The following PDZD2 variants were observed in gnomAD, a reference collection of about 807,000 sequenced individuals.
PDZD2 encodes PDZ domain-containing protein 2.
In PDZD2, 90 loss-of-function variants were observed where a neutral mutation model predicts 220.7. That is an observed-to-expected ratio of 0.41 (90% confidence interval 0.34 to 0.49). The LOEUF is 0.49. Among genes scored for constraint, PDZD2 ranks in the 20% least tolerant of loss-of-function variants. The pLI is 0.28. For missense variants in PDZD2, 3,174 were observed against 3,608.5 expected (o/e 0.88, Z 3.08); for synonymous variants, 1,375 against 1,450.5 (o/e 0.95, Z 1.18).
At chr5:31,768,474 C>G (rs953630146) in intron 1 of PDZD2, among the ~76,000 whole-genome samples, 5 of 152,066 alleles carry the variant, frequency 3.3e-5, no homozygotes, top group African/African-American at 1.2e-4. Context: ...AACCCCGTCT[C>G]TACTAAAAAT....
Position 31,997,757 on chromosome 5 carries a change from G to C in PDZD2, c.1121+2039G>C, listed in dbSNP as rs911517651. On this transcript the variant is annotated intron_variant, in intron 4 of 24. Coordinates refer to ENST00000438447, the MANE Select transcript of PDZD2 (RefSeq NM_178140.4). ...TGTGTGTGTCTCTTTGAGCCTCTGG[G>C]CTATACGATTCACAAGCGGGGCATT... Among the ~76,000 whole-genome samples, 3 of 152,128 alleles carry C rather than the reference G, an allele frequency of 2.0e-5. No individual in the cohort carries two copies. The East Asian group carries it at 5.8e-4, about 29-fold the overall frequency.
rs1160111594 is a variant in PDZD2 at position 31,689,353 on chromosome 5, A to AT, written c.-361+49936dup. 2.5e-3 allele frequency among the ~76,000 whole-genome samples: 89 copies of AT among 35,126 alleles called. 4 individuals are homozygous for AT. Among genetic ancestry groups the AT allele is most frequent in the South Asian group, 0.01 (10 of 972 alleles). 23.0% of individuals were successfully genotyped at this position (35,126 alleles called of 152,430 possible). ...TACATATACATATATATATATATAT[A>AT]TTTTTTTTTTTTTTTTTTTTAAGTC... On this transcript the variant is annotated intron_variant, in intron 1 of 24. Transcript: ENST00000438447.
intron 5 of PDZD2, among the ~76,000 whole-genome samples, chr5:32,005,890 G>A (rs1160583732): frequency 6.6e-6 from 1 of 152,146 alleles, no homozygotes; most frequent in Non-Finnish European, 1.5e-5. Flanking sequence ...GCTCACACCT[G>A]TAATCCCAGC....
intron 2 of PDZD2, among the ~76,000 whole-genome samples, chr5:31,961,844 A>G (rs1409539464): frequency 6.6e-6 from 1 of 152,126 alleles, no homozygotes; most frequent in Non-Finnish European, 1.5e-5. Context: ...AAGTTTCACT[A>G]TGTTGGCTAG....
chr5:32,059,144 G>C, intron 12 of PDZD2, 95 bp from the exon 13 acceptor site: 5 of 687,726 alleles, frequency 7.3e-6, no homozygotes, highest in Non-Finnish European at 1.0e-5. Context: ...TTATTGGTCT[G>C]AATAGATATT....
chr5:31,847,636 G>A lies in PDZD2; in HGVS notation c.476+47912G>A, dbSNP rs558542585. On this transcript the variant is annotated intron_variant, in intron 2 of 24. Coordinates refer to ENST00000438447, the MANE Select transcript of PDZD2 (RefSeq NM_178140.4). Reference sequence around the variant, plus strand: ...CAAGATCTAGGAATGCCAAGTGGTGGTGACTGGAGATGAATACAATGTGGA... The same window carrying A: ...CAAGATCTAGGAATGCCAAGTGGTGATGACTGGAGATGAATACAATGTGGA... The A allele has an allele frequency of 1.2e-4, 75 of 622,062 alleles. 1 individual carries two copies. The highest frequency in any genetic ancestry group is 1.1e-3 in the African/African-American group (63 of 54,980). 38.5% of individuals were successfully genotyped at this position (622,062 alleles called of 1,614,324 possible). A position where few individuals can be genotyped will look rare whatever the true frequency, so the allele number is the denominator to read the frequency against.
At chr5:31,776,620 T>G (rs1752669783) in intron 1 of PDZD2, among the ~76,000 whole-genome samples, 1 of 146,812 alleles carries the variant, frequency 6.8e-6, no homozygotes, top group Non-Finnish European at 1.5e-5. Flanking sequence ...CTGGCCTTAT[T>G]TTTTATTTTA....
chr5:31,869,888 T>C (rs1245319125), intron 2 of PDZD2, among the ~76,000 whole-genome samples: 4 of 152,240 alleles, frequency 2.6e-5, no homozygotes, highest in Non-Finnish European at 5.9e-5. Context: ...TAGAAGGTGG[T>C]GATGGCGTCT....
chr5:32,012,044 A>G (rs1753360791), intron 6 of PDZD2, among the ~76,000 whole-genome samples: 1 of 152,218 alleles, frequency 6.6e-6, no homozygotes, highest in African/African-American at 2.4e-5. Flanking sequence ...GCGGTACAAC[A>G]GCAGACTTCA....
rs528170421 is a variant in PDZD2, at chr5:31,911,533, C to T, written c.477-71622C>T. 1.1e-4 allele frequency among the ~76,000 whole-genome samples: 16 copies of T among 152,340 alleles called. 1 individual carries two copies. In the South Asian group the frequency reaches 1.9e-3, roughly 18 times the overall value. On this transcript the variant is annotated intron_variant, in intron 2 of 24. Transcript: ENST00000438447. ...GTCAGCTGACTCCTACAGTCCTTCC[C>T]GCTTCCTTTCGTTTCTCTGTTTTCT...
At chr5:31,779,461 A>G (rs925189999) in intron 1 of PDZD2, among the ~76,000 whole-genome samples, 2 of 62,410 alleles carry the variant, frequency 3.2e-5, no homozygotes, top group South Asian at 9.3e-4. Flanking sequence ...TGCAAGCTCC[A>G]CCTCCCGGAT....
chr5:31,910,036 T>C (rs915698052), intron 2 of PDZD2, among the ~76,000 whole-genome samples: 3 of 152,162 alleles, frequency 2.0e-5, no homozygotes, highest in African/African-American at 7.2e-5. Flanking sequence ...CTGTCATCGG[T>C]GCCTTACATG....
chr5:31,713,888 TGCTC>T (rs1748279219), intron 1 of PDZD2, among the ~76,000 whole-genome samples: 1 of 152,206 alleles, frequency 6.6e-6, no homozygotes, highest in African/African-American at 2.4e-5. Context: ...CATCTTGAGA[TGCTC>T]ACCAGATGCA....
chr5:32,074,670 G>C, intron 18 of PDZD2, 27 bp downstream of exon 18: 1 of 1,459,500 alleles, frequency 6.9e-7, no homozygotes. Context: ...TAGTTACTTG[G>C]AATGGAAGTG....
chr5:31,967,898 G>T (rs1748902339), intron 2 of PDZD2, among the ~76,000 whole-genome samples: 1 of 152,228 alleles, frequency 6.6e-6, no homozygotes, highest in Non-Finnish European at 1.5e-5. Context: ...GCTGGGCCAA[G>T]AAAGTAGAGA....
chr5:32,049,817 A>G (rs1288958962), intron 8 of PDZD2, among the ~76,000 whole-genome samples: 2 of 152,146 alleles, frequency 1.3e-5, no homozygotes, highest in African/African-American at 2.4e-5. Flanking sequence ...CAGAGAAAAA[A>G]CTGGCATGGG....
intron 2 of PDZD2, among the ~76,000 whole-genome samples, chr5:31,936,705 T>G (rs1441582325): frequency 6.6e-6 from 1 of 152,214 alleles, no homozygotes; most frequent in Non-Finnish European, 1.5e-5. Context: ...CAGAAACCGA[T>G]TTTCAGGCTT....
intron 6 of PDZD2, among the ~76,000 whole-genome samples, chr5:32,022,364 AT>A (rs59655326): frequency 7.0e-4 from 96 of 137,340 alleles, no homozygotes; most frequent in Admixed American, 8.0e-4. Flanking sequence ...CTCACAGCTA[AT>A]TTTTTTTTTT....
chr5:31,713,627 G>C (rs1162981895), intron 1 of PDZD2, among the ~76,000 whole-genome samples: 1 of 152,180 alleles, frequency 6.6e-6, no homozygotes, highest in African/African-American at 2.4e-5. Flanking sequence ...ATTAGTTCCT[G>C]TGGGAGCTGA....
Sources: allele counts gnomAD v4.1 joint callset (sites outside exome capture counted in the v4.1 genomes callset), GRCh38; gene constraint gnomAD v4.1.1; transcripts MANE v1.5; gene names NCBI Gene and HGNC (gene_info 2026-07-23, HGNC 2026-07-21).